Variants in SUSD4 observed in about 807,000 individuals in gnomAD.
The protein encoded by SUSD4 is sushi domain containing 4.
In SUSD4, 41 loss-of-function variants were observed where a neutral mutation model predicts 50.5. The observed-to-expected ratio is 0.81, with a 90% CI of 0.63 to 1.05. The LOEUF (loss-of-function observed/expected upper bound fraction) is 1.05, where lower values mean the gene tolerates loss of function less well. Among genes scored for constraint, SUSD4 ranks in the 50% least tolerant of loss-of-function variants. The pLI, the probability that SUSD4 is intolerant of heterozygous loss-of-function variation, is 0.00. For missense variants in SUSD4, 580 were observed against 634.7 expected, an observed-to-expected ratio of 0.91 and a Z score of 0.93; for synonymous variants, 257 against 257.3, an observed-to-expected ratio of 1.00 and a Z score of 0.01.
At chr1:223,249,030 G>T (rs751048539) in intron 5 of SUSD4, among the ~76,000 whole-genome samples, 1 of 152,186 alleles carries the variant, frequency 6.6e-6, no homozygotes, top group African/African-American at 2.4e-5. Flanking sequence ...TTCTGATGAG[G>T]TTGCTTGCTT....
At chr1:223,275,195 C>A (rs1663174831) in intron 3 of SUSD4, among the ~76,000 whole-genome samples, 1 of 152,070 alleles carries the variant, frequency 6.6e-6, no homozygotes, top group African/African-American at 2.4e-5. Flanking sequence ...GGGGGTGGTG[C>A]TGAAATTCTC....
intron 5 of SUSD4, among the ~76,000 whole-genome samples, chr1:223,252,373 G>A (rs1274931518): frequency 6.6e-6 from 1 of 151,780 alleles, no homozygotes; most frequent in East Asian, 1.9e-4. Flanking sequence ...ACAAGCCATC[G>A]AACGCCAAGG....
At chr1:223,253,965 C>T (rs1428500966) in intron 5 of SUSD4, among the ~76,000 whole-genome samples, 2 of 152,196 alleles carry the variant, frequency 1.3e-5, no homozygotes, top group Admixed American at 6.5e-5. Context: ...AAGACCTCAG[C>T]TTGCATGTCT....
chr1:223,363,633 G>T, intron 1 of SUSD4, 173 bp from the exon 2 acceptor site: 1 of 737,978 alleles, frequency 1.4e-6, no homozygotes, highest in Admixed American at 3.1e-5. Flanking sequence ...CTTCCCCCGA[G>T]CCGGGTGCAC....
At chr1:223,257,032 T>G (rs1661743631) in intron 5 of SUSD4, among the ~76,000 whole-genome samples, 1 of 152,106 alleles carries the variant, frequency 6.6e-6, no homozygotes, top group Non-Finnish European at 1.5e-5. Flanking sequence ...TGGCATAGAG[T>G]AGGCATCCAA....
intron 2 of SUSD4, among the ~76,000 whole-genome samples, chr1:223,352,253 G>A (rs1442228720): frequency 6.6e-6 from 1 of 152,196 alleles, no homozygotes; most frequent in African/African-American, 2.4e-5. Flanking sequence ...TGTGTTTGAA[G>A]AGCTCCCAAA....
intron 5 of SUSD4, among the ~76,000 whole-genome samples, chr1:223,260,442 A>G (rs1662026149): frequency 6.6e-6 from 1 of 152,212 alleles, no homozygotes; most frequent in African/African-American, 2.4e-5. Flanking sequence ...CTTGCATTCA[A>G]TGTGTGCGTG....
intron 5 of SUSD4, among the ~76,000 whole-genome samples, chr1:223,245,315 G>C (rs1444728003): frequency 6.6e-6 from 1 of 151,044 alleles, no homozygotes; most frequent in Non-Finnish European, 1.5e-5. Context: ...CAAATCACTG[G>C]TCCCTTCACT....
intron 2 of SUSD4, among the ~76,000 whole-genome samples, chr1:223,307,838 T>C (rs1665636997): frequency 6.6e-6 from 1 of 152,220 alleles, no homozygotes; most frequent in African/African-American, 2.4e-5. Context: ...TTTGTTTTTT[T>C]TAAAGATTAG....
chr1:223,348,611 A>G (rs1257346871), intron 2 of SUSD4, among the ~76,000 whole-genome samples: 1 of 152,158 alleles, frequency 6.6e-6, no homozygotes, highest in African/African-American at 2.4e-5. Context: ...TCTGATGCCT[A>G]CCAGTCCAAA....
intron 2 of SUSD4, among the ~76,000 whole-genome samples, chr1:223,359,934 C>CA (rs80181313): frequency 1.3e-5 from 2 of 151,894 alleles, no homozygotes; most frequent in Non-Finnish European, 2.9e-5. Context: ...TGGCTCAGGA[C>CA]GGGGTAGGCA....
chr1:223,254,190 C>T (rs1039295343), intron 5 of SUSD4, among the ~76,000 whole-genome samples: 3 of 152,102 alleles, frequency 2.0e-5, no homozygotes, highest in Non-Finnish European at 4.4e-5. Flanking sequence ...CTGGTGAAAT[C>T]CCATCTCTGA....
intron 2 of SUSD4, among the ~76,000 whole-genome samples, chr1:223,338,516 T>C (rs61838239): frequency 0.19 from 28,153 of 152,062 alleles, 3,110 homozygotes; most frequent in Non-Finnish European, 0.26. Flanking sequence ...AGTAAAAGGA[T>C]GCAATCAAAT....
At chr1:223,326,581 A>G (rs1386848512) in intron 2 of SUSD4, among the ~76,000 whole-genome samples, 1 of 152,140 alleles carries the variant, frequency 6.6e-6, no homozygotes, top group Non-Finnish European at 1.5e-5. Flanking sequence ...GAAAGAAAAT[A>G]TTTGCAAACT....
intron 3 of SUSD4, among the ~76,000 whole-genome samples, chr1:223,288,837 A>C (rs991134169): frequency 6.6e-6 from 1 of 152,170 alleles, no homozygotes; most frequent in Admixed American, 6.5e-5. Context: ...TGATGTACAA[A>C]CCGAAGTTCA....
At chr1:223,328,342 C>G (rs1449087374) in intron 2 of SUSD4, among the ~76,000 whole-genome samples, 1 of 152,176 alleles carries the variant, frequency 6.6e-6, no homozygotes, top group Non-Finnish European at 1.5e-5. Flanking sequence ...TGCTTAAGGT[C>G]TCACAGTAGG....
intron 5 of SUSD4, among the ~76,000 whole-genome samples, chr1:223,258,860 C>T (rs1481518719): frequency 2.0e-5 from 3 of 152,160 alleles, no homozygotes; most frequent in Admixed American, 6.5e-5. Flanking sequence ...CCAGGCATCA[C>T]GTCTCAGAGC....
chr1:223,355,555 C>T (rs1237906123), intron 2 of SUSD4, among the ~76,000 whole-genome samples: 1 of 152,140 alleles, frequency 6.6e-6, no homozygotes, highest in Non-Finnish European at 1.5e-5. Context: ...CTCCCTCCTC[C>T]TGATTCACCC....
chr1:223,236,078 CTT>C (rs1477213391), intron 5 of SUSD4, among the ~76,000 whole-genome samples: 1 of 152,142 alleles, frequency 6.6e-6, no homozygotes, highest in Non-Finnish European at 1.5e-5. Context: ...AGTGATCTCT[CTT>C]GTTTTAATTT....
Sources: allele counts gnomAD v4.1 joint callset (sites outside exome capture counted in the v4.1 genomes callset), GRCh38; gene constraint gnomAD v4.1.1; transcripts MANE v1.5; gene names NCBI Gene and HGNC (gene_info 2026-07-23, HGNC 2026-07-21).